LRMDA: variants seen among roughly 807,000 people sequenced by gnomAD.
The protein encoded by LRMDA is leucine rich melanocyte differentiation associated.
In LRMDA, 18 loss-of-function variants were observed where a neutral mutation model predicts 29.8. The observed-to-expected ratio is 0.60, with a 90% CI of 0.42 to 0.90. The LOEUF (loss-of-function observed/expected upper bound fraction) is 0.90, where lower values mean the gene tolerates loss of function less well. LRMDA is among the 40% of genes least tolerant of loss of function. The probability of loss-of-function intolerance (pLI) is 0.00; values close to 1 mark genes in which losing one functional copy is unlikely to be tolerated. For synonymous variants in LRMDA, 125 were observed against 109.4 expected (o/e 1.14, Z -0.89); for missense variants, 273 against 273.9 (o/e 1.00, Z 0.02).
At chr10:75,525,418 CTGGGCT>C (rs1446090417) in intron 2 of LRMDA, among the ~76,000 whole-genome samples, 1 of 152,124 alleles carries the variant, frequency 6.6e-6, no homozygotes, top group Non-Finnish European at 1.5e-5. Context: ...TTATGATGAT[CTGGGCT>C]ATTTCTCTTT....
chr10:75,622,441 G>T (rs1356782981), intron 2 of LRMDA, among the ~76,000 whole-genome samples: 1 of 152,084 alleles, frequency 6.6e-6, no homozygotes, highest in Non-Finnish European at 1.5e-5. Flanking sequence ...AGGCATCTGG[G>T]CCATTGTGCA....
chr10:76,320,152 A>G (rs1840753154), intron 5 of LRMDA, among the ~76,000 whole-genome samples: 1 of 152,228 alleles, frequency 6.6e-6, no homozygotes. Flanking sequence ...CTGTATGTGC[A>G]TTGAATCTTT....
chr10:75,775,094 T>C (rs1843293813), intron 2 of LRMDA, among the ~76,000 whole-genome samples: 1 of 152,272 alleles, frequency 6.6e-6, no homozygotes, highest in Admixed American at 6.5e-5. Context: ...TCTTCCACTG[T>C]AGATTTTGTG....
intron 2 of LRMDA, among the ~76,000 whole-genome samples, chr10:75,455,087 C>T (rs374453591): frequency 2.0e-5 from 3 of 152,174 alleles, no homozygotes; most frequent in Non-Finnish European, 4.4e-5. Context: ...CCTGGTACAA[C>T]GGGACCCCTC....
chr10:76,204,194 T>C (rs1851491155), intron 5 of LRMDA, among the ~76,000 whole-genome samples: 1 of 142,802 alleles, frequency 7.0e-6, no homozygotes, highest in South Asian at 2.3e-4. Flanking sequence ...TCTACCCATC[T>C]CTATTCCATG....
intron 2 of LRMDA, among the ~76,000 whole-genome samples, chr10:75,823,821 T>C (rs1468668061): frequency 6.6e-6 from 1 of 151,472 alleles, no homozygotes; most frequent in Admixed American, 6.6e-5. Context: ...AGGAATGAAA[T>C]CATGTCTTTT....
At chr10:76,006,282 G>T (rs1847654664) in intron 2 of LRMDA, among the ~76,000 whole-genome samples, 1 of 152,164 alleles carries the variant, frequency 6.6e-6, no homozygotes, top group Non-Finnish European at 1.5e-5. Flanking sequence ...AGGGTGTTCA[G>T]AGGAGTGAGG....
chr10:76,109,502 T>A (rs530551250), intron 5 of LRMDA, among the ~76,000 whole-genome samples: 2 of 152,292 alleles, frequency 1.3e-5, no homozygotes, highest in Admixed American at 1.3e-4. Flanking sequence ...ACACAGTAAT[T>A]CCCATCAGGT....
At chr10:76,197,181 T>C (rs1851345373) in intron 5 of LRMDA, among the ~76,000 whole-genome samples, 1 of 152,226 alleles carries the variant, frequency 6.6e-6, no homozygotes, top group Admixed American at 6.5e-5. Flanking sequence ...TGCTTTCATA[T>C]CAACATAGTA....
At chr10:75,571,653 A>C (rs922074408) in intron 2 of LRMDA, among the ~76,000 whole-genome samples, 1 of 152,214 alleles carries the variant, frequency 6.6e-6, no homozygotes, top group African/African-American at 2.4e-5. Flanking sequence ...AAGAGGCTTC[A>C]GGGAAAGGTA....
chr10:76,058,898 G>A, intron 5 of LRMDA, 115 bp downstream of exon 5: 1 of 805,410 alleles, frequency 1.2e-6, no homozygotes, highest in Non-Finnish European at 2.1e-6. Flanking sequence ...AATCTCACAT[G>A]AAGGGTCCTT....
chr10:76,069,475 A>G (rs1434578017), intron 5 of LRMDA, among the ~76,000 whole-genome samples: 1 of 152,216 alleles, frequency 6.6e-6, no homozygotes, highest in Non-Finnish European at 1.5e-5. Context: ...AGGACATTTT[A>G]GGATAATTTT....
At chr10:76,408,432 C>T (rs375745029) in intron 6 of LRMDA, among the ~76,000 whole-genome samples, 10 of 151,976 alleles carry the variant, frequency 6.6e-5, no homozygotes, top group East Asian at 1.9e-4. Flanking sequence ...GATTATGTAC[C>T]GAGAATTATG....
At chr10:76,552,253 T>C (rs1196483585) in intron 6 of LRMDA, among the ~76,000 whole-genome samples, 1 of 152,206 alleles carries the variant, frequency 6.6e-6, no homozygotes, top group Non-Finnish European at 1.5e-5. Context: ...TGGGCTTTAG[T>C]TCTGTTGAAT....
Position 75,431,641 on chromosome 10 carries a change from C to T in LRMDA, c.-84C>T. 1.7e-6 allele frequency: 2 copies of T among 1,166,970 alleles called. No individual in the cohort carries two copies. Among genetic ancestry groups the T allele is most frequent in the South Asian group, 4.1e-5 (1 of 24,682 alleles). The allele number at this position is 1,166,970 out of a possible 1,614,324, so 72.3% of individuals were successfully genotyped here. ...GACTGCCCAGTGCGGAACTGTGCGC[C>T]CGCCGCGCTCCCCTGCCGCGCTCCC... On this transcript the variant is annotated 5_prime_UTR_variant, in exon 1 of 7. Transcript: ENST00000611255.
At chr10:76,320,108 A>C (rs1840752333) in intron 5 of LRMDA, among the ~76,000 whole-genome samples, 1 of 152,202 alleles carries the variant, frequency 6.6e-6, no homozygotes. Context: ...TCACCGAGTG[A>C]AATTCTCGCT....
intron 4 of LRMDA, among the ~76,000 whole-genome samples, chr10:76,054,772 G>A (rs116871910): frequency 0.033 from 4,980 of 151,092 alleles, 139 homozygotes; most frequent in Non-Finnish European, 0.052. Context: ...GACTGAGGCC[G>A]GTGGGAGCTC....
chr10:76,492,132 A>G (rs1842839510), intron 6 of LRMDA, among the ~76,000 whole-genome samples: 1 of 152,202 alleles, frequency 6.6e-6, no homozygotes, highest in South Asian at 2.1e-4. Context: ...CTTCCTCGAA[A>G]CAGCTATTTT....
chr10:75,634,955 C>CA (rs1430800142), intron 2 of LRMDA, among the ~76,000 whole-genome samples: 2 of 151,992 alleles, frequency 1.3e-5, no homozygotes, highest in Non-Finnish European at 2.9e-5. Context: ...TGAAAACAAC[C>CA]ATATTCCCAA....
Sources: gnomAD v4.1 joint callset for allele counts (sites outside exome capture counted in the v4.1 genomes callset) on GRCh38, gnomAD v4.1.1 for gene constraint, MANE v1.5 for transcripts, NCBI Gene and HGNC (gene_info 2026-07-23, HGNC 2026-07-21) for gene names.